RAPGEF1: variants seen among roughly 807,000 people sequenced by gnomAD.
RAPGEF1 encodes the protein Rap guanine nucleotide exchange factor 1, also known as CRK SH3-binding GNRP.
A neutral mutation model predicts 143.3 loss-of-function variants in RAPGEF1; 33 were observed. The ratio of observed to expected loss-of-function variants is 0.23; its 90% CI spans 0.17 to 0.31. RAPGEF1 has a LOEUF of 0.31. Ranked by LOEUF, RAPGEF1 falls within the 10% of genes least tolerant of loss-of-function variation. The pLI, the probability that RAPGEF1 is intolerant of heterozygous loss-of-function variation, is 1.00. For missense variants in RAPGEF1, 1,199 were observed against 1,645.4 expected (o/e 0.73, Z 4.69); for synonymous variants, 629 against 676.5 (o/e 0.93, Z 1.09).
chr9:131,592,113 C>G lies in RAPGEF1; in HGVS notation c.2760G>C (p.Lys920Asn). 1 of 1,611,002 alleles carries G rather than the reference C, an allele frequency of 6.2e-7. No homozygotes were observed. The highest frequency in any genetic ancestry group is 8.5e-7 in the Non-Finnish European group (1 of 1,177,160). ...GGAAAGGATATCTGTACTGCAGCTT[C>G]TTGATGAGCTCCTCTGGGGAGATGA... ...RTFISPEELI[K>N]KLQYRYEKFS... Residue 920 changes from lysine to asparagine, a missense_variant, in exon 18 of 27, where the codon AAG becomes AAC. This residue lies in a region of RAPGEF1 where 209 missense variants were observed against 403.0 expected (regional missense o/e 0.52). Coordinates refer to ENST00000683357, the MANE Select transcript of RAPGEF1 (RefSeq NM_001377935.1).
At position 131,628,469 on chromosome 9, in the gene RAPGEF1, T is replaced by G. The variant is rs1963924224; in HGVS notation, c.1017+80A>C. Reference sequence around the variant, plus strand: ...CACCAGCGCCTGAAGACCATGGGTTTCTTTCAGCTTCAGGAGCCACATCCC... The same window carrying G: ...CACCAGCGCCTGAAGACCATGGGTTGCTTTCAGCTTCAGGAGCCACATCCC... On this transcript the variant is annotated intron_variant, in intron 8 of 26. Coordinates refer to ENST00000683357, the MANE Select transcript of RAPGEF1 (RefSeq NM_001377935.1). This position sits in a 1 kb window ranked among gnomAD's most constrained non-coding sequence, Gnocchi z 5.7. The G allele has an allele frequency of 6.4e-7, 1 of 1,550,834 alleles. No individual in the cohort carries two copies. The highest frequency in any genetic ancestry group is 2.3e-5 in the East Asian group (1 of 42,826).
At position 131,626,183 on chromosome 9, in the gene RAPGEF1, C is replaced by A; in HGVS notation, c.1441G>T (p.Ala481Ser). 6.2e-7 allele frequency: 1 copy of A among 1,613,938 alleles called. No individual in the cohort carries two copies. The highest frequency in any genetic ancestry group is 8.5e-7 in the Non-Finnish European group (1 of 1,179,846). Residue 481 changes from alanine (A) to serine (S), a missense_variant, in exon 10 of 27, where the codon GCA becomes TCA. Ala to Ser is a moderately conservative substitution (Grantham distance 99, BLOSUM62 1). Transcript: ENST00000683357. Reference sequence around the variant, plus strand: ...GAGCCGTCCGCCGTCTGGGAGGCTGCGCTCCTGCGCTTCTTCTCGGGGAGA... The same window carrying A: ...GAGCCGTCCGCCGTCTGGGAGGCTGAGCTCCTGCGCTTCTTCTCGGGGAGA... ...PALPEKKRRS[A>S]ASQTADGSGC...
At chr9:131,690,383 G>C (rs1833698115) in intron 1 of RAPGEF1, among the ~76,000 whole-genome samples, 1 of 152,226 alleles carries the variant, frequency 6.6e-6, no homozygotes, top group Non-Finnish European at 1.5e-5. Context: ...AAGGTTTGTG[G>C]AAGATGAATC....
chr9:131,638,837 C>T (rs771733232), intron 4 of RAPGEF1, 46 bp from the exon 5 acceptor site: 5 of 1,572,558 alleles, frequency 3.2e-6, no homozygotes, highest in South Asian at 1.1e-5. Flanking sequence ...TAAAGCATGA[C>T]CATCACTTAG....
In RAPGEF1 at chr9:131,629,137, C is replaced by A; in HGVS notation, c.858G>T (p.Lys286Asn). ...DATDEEVAPP[K>N]PPLPGIRVVD... ...CCACCCGAATGCCAGGCAGAGGAGG[C>A]TTGGGGGGCGCGACCTCTTCATCCG... is the stretch of plus-strand genomic sequence containing the variant. Residue 286 changes from lysine (K) to asparagine (N), a missense_variant, in exon 7 of 27, where the codon AAG becomes AAT. By Grantham distance (94) the Lys-to-Asn change is moderately conservative. Transcript: ENST00000683357. 3 of 1,613,982 alleles carry A rather than the reference C, an allele frequency of 1.9e-6. No homozygotes were observed. The highest frequency in any genetic ancestry group is 2.5e-6 in the Non-Finnish European group (3 of 1,179,866).
At chr9:131,626,544 G>A (rs1963140930) in intron 9 of RAPGEF1, 122 bp from the exon 10 acceptor site, 1 of 956,752 alleles carries the variant, frequency 1.0e-6, no homozygotes, top group Non-Finnish European at 1.5e-6. Context: ...TGTCTCCAGG[G>A]CTTATTTTAT....
At chr9:131,648,356 A>G (rs1970218722) in intron 3 of RAPGEF1, among the ~76,000 whole-genome samples, 1 of 152,162 alleles carries the variant, frequency 6.6e-6, no homozygotes, top group Admixed American at 6.6e-5. Context: ...GCTCCACTGC[A>G]CTCCAGCCTG....
chr9:131,626,336 G>C lies in RAPGEF1; in HGVS notation c.1288C>G (p.Pro430Ala). 6.2e-7 allele frequency: 1 copy of C among 1,614,022 alleles called. No individual in the cohort carries two copies. Among genetic ancestry groups the C allele is most frequent in the Non-Finnish European group, 8.5e-7 (1 of 1,179,892 alleles). ...IPQQTAWNLS[P>A]LPESLGESGS... ...GACTCCCCCAAAGACTCTGGCAACG[G>C]GCTAAGGTTCCAGGCCGTCTGCTGA... Residue 430 changes from proline to alanine, a missense_variant, in exon 10 of 27, where the codon CCG (proline) becomes GCG (alanine). Around this residue, in one of 6 missense-constraint regions of RAPGEF1, gnomAD observed 613 missense variants for 710.9 expected, o/e 0.86. Transcript: ENST00000683357.
chr9:131,686,838 T>G (rs143741097), intron 1 of RAPGEF1, among the ~76,000 whole-genome samples: 3 of 152,332 alleles, frequency 2.0e-5, no homozygotes, highest in African/African-American at 7.2e-5. Context: ...TTTCAGTGTA[T>G]GTTTTTCTCA....
intron 1 of RAPGEF1, among the ~76,000 whole-genome samples, chr9:131,686,990 G>A (rs543642769): frequency 7.9e-5 from 12 of 152,242 alleles, no homozygotes; most frequent in East Asian, 1.9e-4. Flanking sequence ...TCAAAACCAC[G>A]CGAAGATAAT....
In RAPGEF1 at chr9:131,580,328, T is replaced by C. The variant is rs767999832; in HGVS notation, c.3576A>G (p.Lys1192=). Residue 1192 remains lysine, a synonymous_variant, in exon 26 of 27, where the codon AAA becomes AAG. Transcript: ENST00000683357. ...GCTGCCACCGCTTGGAGAAGTTCACTTTCCCGTCGATGTAGTCTGGGTTTC... is the reference window on the plus strand; with the variant it reads ...GCTGCCACCGCTTGGAGAAGTTCACCTTCCCGTCGATGTAGTCTGGGTTTC... The part of the protein sequence containing the change: ...HLGNPDYIDG[K]VNFSKRWQQF... 2 of 1,613,888 alleles carry C rather than the reference T, an allele frequency of 1.2e-6. No homozygotes were observed. Among genetic ancestry groups the C allele is most frequent in the African/African-American group, 1.3e-5 (1 of 74,948 alleles).
At position 131,650,572 on chromosome 9, in the gene RAPGEF1, G is replaced by T. The variant is rs1274546926; in HGVS notation, c.201+238C>A. ...GCTGAGCTGTTTTAAATGCCCAGAGGATGACACAGCTGGAAAAGGAGAACT... is the reference window on the plus strand; with the variant it reads ...GCTGAGCTGTTTTAAATGCCCAGAGTATGACACAGCTGGAAAAGGAGAACT... On this transcript the variant is annotated intron_variant, in intron 2 of 26. Coordinates refer to ENST00000683357, the MANE Select transcript of RAPGEF1 (RefSeq NM_001377935.1). The surrounding 1 kb of genome is among the most constrained non-coding windows in gnomAD (Gnocchi z 4.7). 6.6e-6 allele frequency among the ~76,000 whole-genome samples: 1 copy of T among 152,156 alleles called. No individual in the cohort carries two copies. The highest frequency in any genetic ancestry group is 6.5e-5 in the Admixed American group (1 of 15,278).
In RAPGEF1 at chr9:131,628,397, G is replaced by A. The variant is rs180995975; in HGVS notation, c.1017+152C>T. On this transcript the variant is annotated intron_variant, in intron 8 of 26. Coordinates refer to ENST00000683357, the MANE Select transcript of RAPGEF1 (RefSeq NM_001377935.1). This position sits in a 1 kb window ranked among gnomAD's most constrained non-coding sequence, Gnocchi z 5.7. ...ATATGGGAACTTGGACCGTGTCCTG[G>A]AGAGAGAGGGATGGGTACAAGGTCT... Among the ~76,000 whole-genome samples, 2 of 152,312 alleles carry A rather than the reference G, an allele frequency of 1.3e-5. No homozygotes were observed. Among genetic ancestry groups the A allele is most frequent in the African/African-American group, 2.4e-5 (1 of 41,570 alleles).
intron 1 of RAPGEF1, among the ~76,000 whole-genome samples, chr9:131,651,937 T>G (rs1971177602): frequency 2.0e-5 from 3 of 152,236 alleles, no homozygotes; most frequent in Admixed American, 2.0e-4. Flanking sequence ...TGCAGGCAAC[T>G]GTAATACAAT....
At chr9:131,629,303 A>C in intron 6 of RAPGEF1, 49 bp from the exon 7 acceptor site, 1 of 1,567,744 alleles carries the variant, frequency 6.4e-7, no homozygotes, top group Non-Finnish European at 8.7e-7. Context: ...AAGGCGGGAC[A>C]GAGCACACAC....
At chr9:131,645,283 C>A (rs1969263263) in intron 3 of RAPGEF1, among the ~76,000 whole-genome samples, 1 of 152,194 alleles carries the variant, frequency 6.6e-6, no homozygotes, top group African/African-American at 2.4e-5. Flanking sequence ...AACACTGCCA[C>A]CTTAGCACAT....
At chr9:131,666,413 CACTT>C (rs1227694117) in intron 1 of RAPGEF1, among the ~76,000 whole-genome samples, 3 of 151,670 alleles carry the variant, frequency 2.0e-5, no homozygotes, top group Admixed American at 1.3e-4. Flanking sequence ...GACAGAGTCT[CACTT>C]ACTCTGTCCC....
At chr9:131,713,318 C>T (rs572742107) in intron 1 of RAPGEF1, among the ~76,000 whole-genome samples, 1 of 152,224 alleles carries the variant, frequency 6.6e-6, no homozygotes, top group Non-Finnish European at 1.5e-5. Flanking sequence ...TCCACAAGAT[C>T]ATCTGCTCCA....
At chr9:131,705,895 T>G (rs867968658) in intron 1 of RAPGEF1, among the ~76,000 whole-genome samples, 17 of 152,282 alleles carry the variant, frequency 1.1e-4, no homozygotes, top group Middle Eastern at 6.8e-3. Context: ...TCCCCAGGTG[T>G]AGGACATGGA....
Sources: allele counts gnomAD v4.1 joint callset (sites outside exome capture counted in the v4.1 genomes callset), GRCh38; gene constraint gnomAD v4.1.1; regional missense constraint gnomAD v4.1.1; non-coding constraint Gnocchi (gnomAD v3.1); transcripts MANE v1.5; gene names NCBI Gene and HGNC (gene_info 2026-07-23, HGNC 2026-07-21).